BIK: variants seen among roughly 807,000 people sequenced by gnomAD.
BIK encodes the protein bcl-2-interacting killer.
Under a neutral mutation model 12.1 loss-of-function variants are expected in BIK, and 14 were observed. The ratio of observed to expected loss-of-function variants is 1.16; its 90% CI spans 0.77 to 1.81. The LOEUF is 1.81. Ranked by LOEUF, BIK falls within the 40% of genes most tolerant of loss-of-function variation. BIK has a pLI of 0.00. For missense variants in BIK, 215 were observed against 207.9 expected (o/e 1.03, Z -0.21); for synonymous variants, 86 against 92.3 (o/e 0.93, Z 0.39).
intron 1 of BIK, among the ~76,000 whole-genome samples, chr22:43,122,514 T>C (rs1930239310): frequency 6.6e-6 from 1 of 152,178 alleles, no homozygotes; most frequent in Non-Finnish European, 1.5e-5. Flanking sequence ...AACTAGGCCA[T>C]TAGATTTCCG....
rs1930019963 is a variant in BIK, at chr22:43,111,970, CCT to C, written c.-8+1170_-8+1171del. 2.6e-5 allele frequency among the ~76,000 whole-genome samples: 4 copies of C among 152,288 alleles called. No individual in the cohort carries two copies. The South Asian group carries it at 8.3e-4, about 32-fold the overall frequency. Reference sequence around the variant, plus strand: ...GCCCTTTATGGAACCCAAGCCAAAACCTCTTTCCACTCTCCAGCCCTGTGGCC... The same window carrying C: ...GCCCTTTATGGAACCCAAGCCAAAACCTTTCCACTCTCCAGCCCTGTGGCC... On this transcript the variant is annotated intron_variant, in intron 1 of 4. Coordinates refer to ENST00000216115, the MANE Select transcript of BIK (RefSeq NM_001197.5).
At chr22:43,117,417 G>A (rs866100449) in intron 1 of BIK, among the ~76,000 whole-genome samples, 10 of 148,258 alleles carry the variant, frequency 6.7e-5, no homozygotes, top group South Asian at 4.2e-4. Flanking sequence ...CGCCCAGACC[G>A]GAGTGTGGTG....
intron 1 of BIK, among the ~76,000 whole-genome samples, chr22:43,114,945 G>T (rs1323100386): frequency 6.6e-6 from 1 of 152,198 alleles, no homozygotes; most frequent in Admixed American, 6.5e-5. Flanking sequence ...TCCCAGCCAG[G>T]AACAGCCTGC....
chr22:43,126,186 G>A lies in BIK; in HGVS notation c.162-1511G>A, dbSNP rs563579593. Among the ~76,000 whole-genome samples, 29 of 147,690 alleles carry A rather than the reference G, an allele frequency of 2.0e-4. 1 individual carries two copies. The highest frequency in any genetic ancestry group is 3.3e-4 in the Admixed American group (5 of 15,020). ...AGTGCAGGCGTGCACCAGCATGCCC[G>A]GCTTTTTTTTTTTTTTTGAGACGGA... On this transcript the variant is annotated intron_variant, in intron 2 of 4. Transcript: ENST00000216115.
intron 1 of BIK, among the ~76,000 whole-genome samples, chr22:43,117,765 G>A (rs1365429302): frequency 6.6e-6 from 1 of 151,208 alleles, no homozygotes; most frequent in Non-Finnish European, 1.5e-5. Flanking sequence ...CCTCCTCCCA[G>A]GTTCAAGCGA....
intron 4 of BIK, 75 bp downstream of exon 4, chr22:43,128,700 CCA>C: frequency 6.6e-7 from 1 of 1,510,054 alleles, no homozygotes; most frequent in Non-Finnish European, 9.0e-7. Flanking sequence ...CCTTGGGGCG[CCA>C]CAGTCCCCAC....
intron 1 of BIK, among the ~76,000 whole-genome samples, chr22:43,123,155 G>A (rs992970987): frequency 2.6e-5 from 4 of 152,132 alleles, no homozygotes; most frequent in African/African-American, 9.7e-5. Context: ...GAAGAAGGAT[G>A]TGTGATGCGC....
rs1219910567 is a variant in BIK, at chr22:43,123,939, T to TG, written c.-7-72dup. 8 of 1,498,768 alleles carry TG rather than the reference T, an allele frequency of 5.3e-6. No homozygotes were observed. In the Admixed American group the frequency reaches 9.1e-5, roughly 17 times the overall value. 92.8% of individuals were successfully genotyped at this position (1,498,768 alleles called of 1,614,324 possible). On this transcript the variant is annotated intron_variant, in intron 1 of 4. Transcript: ENST00000216115. ...AGCTGGTGAGTAGGGCTATACAATCTGGGGGTCATCCTGTGAGAGAGCCCC... is the reference window on the plus strand; with the variant it reads ...AGCTGGTGAGTAGGGCTATACAATCTGGGGGGTCATCCTGTGAGAGAGCCCC...
Position 43,127,775 on chromosome 22 carries a change from C to T in BIK, c.240C>T (p.Leu80=). The T allele has an allele frequency of 6.4e-7, 1 of 1,552,260 alleles. No homozygotes were observed. The highest frequency in any genetic ancestry group is 8.7e-7 in the Non-Finnish European group (1 of 1,147,832). The change falls in exon 3 of 5, where the codon CTC becomes CTT. Residue 80 remains leucine (L), a synonymous_variant. Transcript: ENST00000216115. ...TCAGGGCCCCGCGCCTGGCCCAGCTCTCCGAGGTGGCCATGCACAGGTAGC... is the reference window on the plus strand; with the variant it reads ...TCAGGGCCCCGCGCCTGGCCCAGCTTTCCGAGGTGGCCATGCACAGGTAGC... ...VSLRAPRLAQ[L]SEVAMHSLGL...
chr22:43,117,988 T>A (rs980354121), intron 1 of BIK, among the ~76,000 whole-genome samples: 3 of 152,176 alleles, frequency 2.0e-5, no homozygotes, highest in African/African-American at 4.8e-5. Flanking sequence ...CATATATTTT[T>A]AAAATTTTTT....
intron 3 of BIK, 27 bp from the exon 4 acceptor site, chr22:43,128,469 T>G: frequency 6.4e-7 from 1 of 1,573,574 alleles, no homozygotes. Context: ...AGTAATGGCT[T>G]TGTCCCCCCA....
Position 43,129,270 on chromosome 22 carries a change from C to A in BIK, c.448C>A (p.Leu150Met), listed in dbSNP as rs1930391277. 2 of 1,602,056 alleles carry A rather than the reference C, an allele frequency of 1.2e-6. No individual in the cohort carries two copies. The highest frequency in any genetic ancestry group is 1.7e-5 in the Admixed American group (1 of 59,968). ...LLLLLALLLPLLSGGLHLLLK is the reference protein window; with the variant it reads ...LLLLLALLLPMLSGGLHLLLK ...GCTGCTGCTGGCGCTGCTGCTGCCG[C>A]TGCTCAGCGGGGGCCTGCACCTGCT... The change falls in exon 5 of 5, where the codon CTG (leucine) becomes ATG (methionine). Residue 150 changes from leucine to methionine, a missense_variant. By Grantham distance (15) the Leu-to-Met change is conservative (BLOSUM62 2). Transcript: ENST00000216115.
intron 1 of BIK, among the ~76,000 whole-genome samples, chr22:43,119,620 G>T (rs1433211490): frequency 1.3e-5 from 2 of 151,992 alleles, no homozygotes; most frequent in Admixed American, 6.6e-5. Context: ...GCTGGAGCCA[G>T]AGGGGAGCAG....
At position 43,128,481 on chromosome 22, in the gene BIK, C is replaced by T. The variant is rs199726859; in HGVS notation, c.261-15C>T. The T allele has an allele frequency of 1.2e-6, 2 of 1,612,594 alleles. No individual in the cohort carries two copies. Among genetic ancestry groups the T allele is most frequent in the African/African-American group, 2.7e-5 (2 of 74,862 alleles). On this transcript the variant is annotated splice_polypyrimidine_tract_variant and intron_variant, in intron 3 of 4. Coordinates refer to ENST00000216115, the MANE Select transcript of BIK (RefSeq NM_001197.5). Reference sequence around the variant, plus strand: ...TGCAGTAATGGCTTTGTCCCCCCATCCTCTTTGTCTATAGCCTGGGTCTGG... The same window carrying T: ...TGCAGTAATGGCTTTGTCCCCCCATTCTCTTTGTCTATAGCCTGGGTCTGG...
intron 1 of BIK, among the ~76,000 whole-genome samples, chr22:43,116,864 A>C (rs1930124280): frequency 6.6e-6 from 1 of 152,264 alleles, no homozygotes; most frequent in African/African-American, 2.4e-5. Context: ...ACCTGAGCCC[A>C]GGGAGGTGGA....
Position 43,129,336 on chromosome 22 carries a change from C to A in BIK, c.*31C>A. ...CGGCGGCTCAGGGCGGGGCTGGCCC[C>A]ACCCCCATGACCACTGCCCTGGAGG... On this transcript the variant is annotated 3_prime_UTR_variant, in exon 5 of 5. Transcript: ENST00000216115. The A allele has an allele frequency of 1.9e-6, 3 of 1,591,742 alleles. No individual in the cohort carries two copies. Among genetic ancestry groups the A allele is most frequent in the Non-Finnish European group, 2.6e-6 (3 of 1,176,274 alleles).
chr22:43,128,278 G>T (rs943324234), intron 3 of BIK, among the ~76,000 whole-genome samples: 25 of 152,202 alleles, frequency 1.6e-4, no homozygotes, highest in African/African-American at 5.8e-4. Context: ...CGGCTGGCTG[G>T]CGGAGGAAGC....
At chr22:43,128,850 G>T (rs1930377145) in intron 4 of BIK, among the ~76,000 whole-genome samples, 1 of 152,214 alleles carries the variant, frequency 6.6e-6, no homozygotes. Flanking sequence ...GCCTTCACCT[G>T]GCAGGCAGGA....
chr22:43,123,076 A>G (rs4988409), intron 1 of BIK, among the ~76,000 whole-genome samples: 35,589 of 152,206 alleles, frequency 0.23, 5,417 homozygotes, highest in Non-Finnish European at 0.33. Context: ...TGGAATGGAT[A>G]TCGGAGAGGT....
Sources: allele counts gnomAD v4.1 joint callset (sites outside exome capture counted in the v4.1 genomes callset), GRCh38; gene constraint gnomAD v4.1.1; transcripts MANE v1.5; gene names NCBI Gene and HGNC (gene_info 2026-07-23, HGNC 2026-07-21).